RASEF: variants seen among roughly 807,000 people sequenced by gnomAD.
RASEF encodes RAS and EF-hand domain containing, also known as ras and EF-hand domain-containing protein.
A neutral mutation model predicts 90.1 loss-of-function variants in RASEF; 68 were observed. That is an observed-to-expected ratio of 0.75 (90% CI 0.62 to 0.92). RASEF has a LOEUF of 0.92. RASEF is among the 40% of genes least tolerant of loss of function. The pLI is 0.00. For missense variants in RASEF, 949 were observed against 937.2 expected, an observed-to-expected ratio of 1.01 and a Z score of -0.16; for synonymous variants, 331 against 345.2, an observed-to-expected ratio of 0.96 and a Z score of 0.46.
chr9:83,133,771 A>G, the RASEF span, among the ~76,000 whole-genome samples: 16 of 152,210 alleles, frequency 1.1e-4, no homozygotes, highest in African/African-American at 3.9e-4. Flanking sequence ...AAAACTTTCA[A>G]TAAAAATTTA....
the RASEF span, among the ~76,000 whole-genome samples, chr9:83,176,458 A>G: frequency 2.2e-4 from 33 of 152,250 alleles, no homozygotes; most frequent in Non-Finnish European, 4.1e-4. Flanking sequence ...GCATTTTGAT[A>G]GGATTATTTA....
chr9:83,067,715 GTTCA>G (rs771891808), upstream of RASEF, among the ~76,000 whole-genome samples: 1 of 152,094 alleles, frequency 6.6e-6, no homozygotes, highest in African/African-American at 2.4e-5. Flanking sequence ...CAGAGTTGGC[GTTCA>G]TTATTAGAAC....
chr9:83,170,748 C>A, the RASEF span, among the ~76,000 whole-genome samples: 1 of 151,898 alleles, frequency 6.6e-6, no homozygotes, highest in Admixed American at 6.6e-5. Context: ...AGAAACACTA[C>A]TGATATCTGT....
chr9:83,023,138 T>C (rs1272338823), intron 2 of RASEF, among the ~76,000 whole-genome samples: 1 of 152,188 alleles, frequency 6.6e-6, no homozygotes, highest in African/African-American at 2.4e-5. Flanking sequence ...GATGGTTATA[T>C]ATAATTTTGA....
chr9:83,032,130 G>A (rs1349423812), intron 1 of RASEF, among the ~76,000 whole-genome samples: 2 of 152,066 alleles, frequency 1.3e-5, no homozygotes, highest in Non-Finnish European at 2.9e-5. Flanking sequence ...ACCATTACTT[G>A]GTGCCAAGAT....
the RASEF span, among the ~76,000 whole-genome samples, chr9:83,110,937 G>GA: frequency 3.0e-4 from 46 of 151,270 alleles, no homozygotes; most frequent in Non-Finnish European, 5.6e-4. Context: ...GAATTTACAT[G>GA]AAAAAAAAAT....
the RASEF span, among the ~76,000 whole-genome samples, chr9:83,075,640 T>A: frequency 2.0e-5 from 3 of 152,182 alleles, no homozygotes; most frequent in Non-Finnish European, 2.9e-5. Context: ...CACTCAAAAA[T>A]TTATTTTAGC....
chr9:83,000,185 A>C lies in RASEF; in HGVS notation c.1707T>G (p.Asn569Lys). 1 of 1,613,766 alleles carries C rather than the reference A, an allele frequency of 6.2e-7. No homozygotes were observed. Among genetic ancestry groups the C allele is most frequent in the Non-Finnish European group, 8.5e-7 (1 of 1,179,932 alleles). Residue 569 changes from asparagine to lysine, a missense_variant, in exon 12 of 17, where the codon AAT becomes AAG. This residue lies in a region of RASEF where 288 missense variants were observed against 328.4 expected (regional missense o/e 0.88). Coordinates refer to ENST00000376447, the MANE Select transcript of RASEF (RefSeq NM_152573.4). Reference protein sequence around the residue: ...MRLCKNEFRENISATLGVDFQ... With the variant: ...MRLCKNEFREKISATLGVDFQ... ...GAGCCATACCCAGGGTGGCGCTTAT[A>C]TTTTCTCGAAATTCATTCTTGCAAA...
intron 3 of RASEF, among the ~76,000 whole-genome samples, chr9:83,017,597 G>A (rs966232918): frequency 6.6e-6 from 1 of 152,196 alleles, no homozygotes; most frequent in African/African-American, 2.4e-5. Context: ...TGAGAGATCA[G>A]ATAAGAGATT....
chr9:83,115,291 A>G, the RASEF span, among the ~76,000 whole-genome samples: 3 of 152,236 alleles, frequency 2.0e-5, no homozygotes, highest in Non-Finnish European at 2.9e-5. Flanking sequence ...AAGTTAATGA[A>G]TAAAATTTGT....
At chr9:83,094,186 T>C in the RASEF span, among the ~76,000 whole-genome samples, 2 of 146,086 alleles carry the variant, frequency 1.4e-5, 1 homozygote, top group African/African-American at 5.6e-5. Context: ...CTATAGTTTA[T>C]ACTTGCACTG....
chr9:83,202,145 A>C, the RASEF span: 1 of 152,542 alleles, frequency 6.6e-6, no homozygotes. Context: ...AAAACCACCC[A>C]TCATAGCAAC....
chr9:82,992,098 C>T (rs905069128), intron 15 of RASEF, among the ~76,000 whole-genome samples: 5 of 152,166 alleles, frequency 3.3e-5, no homozygotes, highest in Non-Finnish European at 5.9e-5. Context: ...ACGATTATTC[C>T]AGCTTAAAAT....
chr9:83,045,598 A>G (rs1257336402), intron 1 of RASEF, among the ~76,000 whole-genome samples: 1 of 152,166 alleles, frequency 6.6e-6, no homozygotes, highest in Non-Finnish European at 1.5e-5. Flanking sequence ...GACCAACACA[A>G]AACCTTGAAT....
At chr9:83,182,677 A>C in the RASEF span, among the ~76,000 whole-genome samples, 11,178 of 152,236 alleles carry the variant, frequency 0.073, 528 homozygotes, top group African/African-American at 0.14. Context: ...CTACATTATC[A>C]TTAGCAAAAT....
At chr9:83,217,050 T>C in the RASEF span, among the ~76,000 whole-genome samples, 3 of 152,298 alleles carry the variant, frequency 2.0e-5, no homozygotes, top group East Asian at 5.8e-4. Context: ...ATGACCTGGA[T>C]GTGAGGCATA....
chr9:83,191,968 T>C, the RASEF span, among the ~76,000 whole-genome samples: 2 of 152,178 alleles, frequency 1.3e-5, no homozygotes, highest in African/African-American at 4.8e-5. Flanking sequence ...GAGCTTTAGA[T>C]GATCATTAGA....
chr9:83,041,007 C>T (rs1024274046), intron 1 of RASEF, among the ~76,000 whole-genome samples: 12 of 152,152 alleles, frequency 7.9e-5, no homozygotes, highest in African/African-American at 1.7e-4. Flanking sequence ...ATTACAGGCA[C>T]GCGCCACCAT....
At chr9:83,008,936 G>T (rs1237325502) in intron 6 of RASEF, among the ~76,000 whole-genome samples, 2 of 33,038 alleles carry the variant, frequency 6.1e-5, no homozygotes, top group East Asian at 8.2e-4. Flanking sequence ...ATATATATAT[G>T]ACGTGGGCTC....
Sources: gnomAD v4.1 joint callset for allele counts (sites outside exome capture counted in the v4.1 genomes callset) on GRCh38, gnomAD v4.1.1 for gene constraint, gnomAD v4.1.1 regional missense constraint, MANE v1.5 for transcripts, NCBI Gene and HGNC (gene_info 2026-07-23, HGNC 2026-07-21) for gene names.